GTF3C3: variants seen among roughly 807,000 people sequenced by gnomAD.
The protein encoded by GTF3C3 is general transcription factor IIIC subunit 3.
In GTF3C3, 75 loss-of-function variants were observed where a neutral mutation model predicts 105.2. The observed-to-expected ratio is 0.71, with a 90% CI of 0.59 to 0.86. The LOEUF (loss-of-function observed/expected upper bound fraction) is 0.86. Among genes scored for constraint, GTF3C3 ranks in the 40% least tolerant of loss-of-function variants. The probability of loss-of-function intolerance (pLI) is 0.00; values close to 1 mark genes in which losing one functional copy is unlikely to be tolerated. For missense variants in GTF3C3, 856 were observed against 1,076.5 expected, an observed-to-expected ratio of 0.80 and a Z score of 2.87; for synonymous variants, 335 against 370.4, an observed-to-expected ratio of 0.90 and a Z score of 1.10.
chr2:196,770,830 T>C (rs1324191873), intron 15 of GTF3C3, among the ~76,000 whole-genome samples: 1 of 152,084 alleles, frequency 6.6e-6, no homozygotes, highest in African/African-American at 2.4e-5. Context: ...GTTTCTAATA[T>C]AGGAAAATAA....
chr2:196,773,048 T>G lies in GTF3C3; in HGVS notation c.1937A>C (p.Glu646Ala). 6.2e-7 allele frequency: 1 copy of G among 1,612,270 alleles called. No homozygotes were observed. The highest frequency in any genetic ancestry group is 8.5e-7 in the Non-Finnish European group (1 of 1,178,332). ...LCDLSRFQEA[E>A]LLVDSSLEYY... Reference sequence around the variant, plus strand: ...TTCCAATGAGGAATCTACAAGCAACTCAGCCTCTTGAAATCGGGATAGGTC... The same window carrying G: ...TTCCAATGAGGAATCTACAAGCAACGCAGCCTCTTGAAATCGGGATAGGTC... The change falls in exon 14 of 18, where the codon GAG (glutamate) becomes GCG (alanine). Residue 646 changes from glutamate (E) to alanine (A), a missense_variant. Glu to Ala is a moderately radical substitution (Grantham distance 107). This residue lies in a region of GTF3C3 where 605 missense variants were observed against 833.6 expected (regional missense o/e 0.73). Transcript: ENST00000263956.
intron 9 of GTF3C3, 62 bp from the exon 10 acceptor site, chr2:196,779,129 GC>G (rs908783081): frequency 1.0e-5 from 12 of 1,186,964 alleles, no homozygotes; most frequent in Non-Finnish European, 1.4e-5. Flanking sequence ...TCTATCTATA[GC>G]TTTTTTTTTT....
Position 196,772,898 on chromosome 2 carries a change from AAAT to A in GTF3C3, c.2069+15_2069+17del. ...CTCTATTAAAGAATCTAATTAAAAT[AAAT>A]AACTGGGAAATCACCTGATATAGTT... On this transcript the variant is annotated intron_variant, in intron 14 of 17. Transcript: ENST00000263956. The A allele has an allele frequency of 8.3e-7, 1 of 1,205,358 alleles. No homozygotes were observed. Among genetic ancestry groups the A allele is most frequent in the Non-Finnish European group, 1.2e-6 (1 of 849,236 alleles). 74.7% of individuals were successfully genotyped at this position (1,205,358 alleles called of 1,614,324 possible). A position where few individuals can be genotyped will look rare whatever the true frequency, so the allele number is the denominator to read the frequency against.
chr2:196,781,990 C>A (rs1699374792), intron 8 of GTF3C3, among the ~76,000 whole-genome samples: 1 of 152,170 alleles, frequency 6.6e-6, no homozygotes, highest in Non-Finnish European at 1.5e-5. Context: ...CTATCTTTAT[C>A]ATGTATGGGT....
intron 4 of GTF3C3, 61 bp from the exon 5 acceptor site, chr2:196,790,131 A>T: frequency 9.3e-7 from 1 of 1,073,034 alleles, no homozygotes. Context: ...GTTGATGTCC[A>T]TCCCATGGTT....
chr2:196,780,212 G>A, intron 9 of GTF3C3: 2 of 884,636 alleles, frequency 2.3e-6, no homozygotes, highest in Non-Finnish European at 2.7e-6. Flanking sequence ...TAGATGCTAA[G>A]TACTTTTTTT....
rs776140731 is a variant in GTF3C3, at chr2:196,799,545, G to A, written c.67C>T (p.Arg23Trp). ...CGGGTTTTTCTCTCTTCTCTCCGCC[G>A]TTCGAACTCCTCAAAGGAGATTTTC... is the stretch of plus-strand genomic sequence containing the variant. ...EGKISFEEFE[R>W]RREERKTREK... Residue 23 changes from arginine to tryptophan, a missense_variant, in exon 1 of 18, where the codon CGG (arginine) becomes TGG (tryptophan). Arg to Trp is a moderately radical substitution (Grantham distance 101, BLOSUM62 -3). Transcript: ENST00000263956. The A allele has an allele frequency of 6.2e-7, 1 of 1,613,990 alleles. No individual in the cohort carries two copies. The highest frequency in any genetic ancestry group is 1.3e-5 in the African/African-American group (1 of 74,912).
At chr2:196,779,787 C>T (rs1382088863) in intron 9 of GTF3C3, among the ~76,000 whole-genome samples, 1 of 152,086 alleles carries the variant, frequency 6.6e-6, no homozygotes, top group Non-Finnish European at 1.5e-5. Flanking sequence ...TCAAGCAATC[C>T]TCCCACCTTA....
In GTF3C3 at chr2:196,785,554, T is replaced by TTG. The variant is rs1699440649; in HGVS notation, c.927_928insCA (p.Ile310GlnfsTer4). On this transcript the variant is annotated frameshift_variant, in exon 7 of 18. Coordinates refer to ENST00000263956, the MANE Select transcript of GTF3C3 (RefSeq NM_012086.5). LOFTEE classifies it high-confidence loss of function. The stretch of plus-strand genomic sequence containing the variant: ...GAGAAAGCTTCATCAATTATGTTAA[T>TTG]AGCAGAAGTAACATCATTGGCTTCA... The TTG allele has an allele frequency of 6.2e-7, 1 of 1,609,122 alleles. No homozygotes were observed. The highest frequency in any genetic ancestry group is 8.5e-7 in the Non-Finnish European group (1 of 1,176,194).
chr2:196,783,936 A>T (rs1015921168), intron 8 of GTF3C3, among the ~76,000 whole-genome samples: 13 of 152,066 alleles, frequency 8.5e-5, no homozygotes, highest in African/African-American at 3.1e-4. Flanking sequence ...TTCCCCAAAA[A>T]CTTTCCACTT....
In GTF3C3 at chr2:196,773,086, T is replaced by C. The variant is rs777398257; in HGVS notation, c.1899A>G (p.Ile633Met). 6.2e-7 allele frequency: 1 copy of C among 1,613,432 alleles called. No individual in the cohort carries two copies. The highest frequency in any genetic ancestry group is 8.5e-7 in the Non-Finnish European group (1 of 1,179,596). Residue 633 changes from isoleucine to methionine, a missense_variant, in exon 14 of 18, where the codon ATA becomes ATG. Physicochemically the swap from Ile to Met is conservative, Grantham distance 10. Coordinates refer to ENST00000263956, the MANE Select transcript of GTF3C3 (RefSeq NM_012086.5). ...DDWWNLLLKA[I>M]YSLCDLSRFQ... ...ATCGGGATAGGTCACATAAGGAGTA[T>C]ATGGCCTTCAACAGAAGATTCCACC...
intron 2 of GTF3C3, among the ~76,000 whole-genome samples, chr2:196,794,934 G>A (rs1699614692): frequency 6.6e-6 from 1 of 151,780 alleles, no homozygotes; most frequent in Non-Finnish European, 1.5e-5. Flanking sequence ...TTGCCATGTT[G>A]GCCAGGTTGG....
intron 3 of GTF3C3, among the ~76,000 whole-genome samples, chr2:196,792,612 T>TCA (rs1394906176): frequency 1.3e-5 from 2 of 152,210 alleles, no homozygotes; most frequent in Non-Finnish European, 2.9e-5. Flanking sequence ...GCCACTTTGC[T>TCA]TTGACTTTAT....
chr2:196,770,532 G>GT (rs942422512), intron 15 of GTF3C3, among the ~76,000 whole-genome samples: 4 of 152,076 alleles, frequency 2.6e-5, no homozygotes, highest in Admixed American at 6.5e-5. Flanking sequence ...GCAATTATTT[G>GT]TTTTTTCTGA....
chr2:196,778,698 T>G lies in GTF3C3; in HGVS notation c.1390+198A>C. ...TCCTTCAACTTCACTCTGGCATCAT[T>G]AAGTAAATCATTCCTCCAAAGCATT... is the stretch of plus-strand genomic sequence containing the variant. On this transcript the variant is annotated intron_variant, in intron 10 of 17. Transcript: ENST00000263956. 7 of 587,364 alleles carry G rather than the reference T, an allele frequency of 1.2e-5. No individual in the cohort carries two copies. In the South Asian group the frequency reaches 1.4e-4, roughly 12 times the overall value. 36.4% of individuals were successfully genotyped at this position (587,364 alleles called of 1,614,324 possible).
At chr2:196,790,144 A>G (rs1699522420) in intron 4 of GTF3C3, 74 bp from the exon 5 acceptor site, 1 of 905,678 alleles carries the variant, frequency 1.1e-6, no homozygotes, top group East Asian at 2.8e-5. Context: ...CCATGGTTCA[A>G]ACTGTATGTC....
intron 10 of GTF3C3, 198 bp downstream of exon 10, chr2:196,778,698 T>A (rs1231752134): frequency 3.4e-6 from 2 of 587,364 alleles, no homozygotes. Flanking sequence ...CTGGCATCAT[T>A]AAGTAAATCA....
At chr2:196,777,214 A>C (rs974092247) in intron 10 of GTF3C3, among the ~76,000 whole-genome samples, 1 of 152,122 alleles carries the variant, frequency 6.6e-6, no homozygotes, top group Non-Finnish European at 1.5e-5. Context: ...CCATGCAGAG[A>C]AAGTGCCCTT....
chr2:196,781,354 AAAAAT>A (rs1390066130), intron 8 of GTF3C3, among the ~76,000 whole-genome samples: 38 of 84,050 alleles, frequency 4.5e-4, no homozygotes, highest in South Asian at 8.8e-4. Flanking sequence ...AAAAAAAAAA[AAAAAT>A]ATATATATAT....
Sources: gnomAD v4.1 joint callset for allele counts (sites outside exome capture counted in the v4.1 genomes callset) on GRCh38, gnomAD v4.1.1 for gene constraint, gnomAD v4.1.1 regional missense constraint, MANE v1.5 for transcripts, NCBI Gene and HGNC (gene_info 2026-07-23, HGNC 2026-07-21) for gene names.